The following MC2R variants were observed in gnomAD, a reference collection of about 807,000 sequenced individuals.
The protein encoded by MC2R is melanocortin 2 receptor.
MC2R carries 9 observed loss-of-function variants against 9.8 expected under a neutral mutation model. The ratio of observed to expected loss-of-function variants is 0.92; its 90% CI spans 0.55 to 1.60. The LOEUF is 1.60. Ranked by LOEUF, MC2R falls within the 40% of genes most tolerant of loss-of-function variation. The pLI, the probability that MC2R is intolerant of heterozygous loss-of-function variation, is 0.00. For missense variants in MC2R, 370 were observed against 389.0 expected (o/e 0.95, Z 0.41); for synonymous variants, 185 against 154.7 (o/e 1.20, Z -1.45).
At chr18:13,890,058 A>C (rs1450745652) in intron 1 of MC2R, among the ~76,000 whole-genome samples, 1 of 152,228 alleles carries the variant, frequency 6.6e-6, no homozygotes, top group African/African-American at 2.4e-5. Flanking sequence ...AAAAATGAAC[A>C]CAAAATAACT....
chr18:13,895,913 T>C (rs1433788516), intron 1 of MC2R, among the ~76,000 whole-genome samples: 1 of 152,112 alleles, frequency 6.6e-6, no homozygotes, highest in African/African-American at 2.4e-5. Flanking sequence ...TTGCTCAGAT[T>C]TGGACTCCAT....
At chr18:13,914,345 G>A (rs1177406049) in intron 1 of MC2R, among the ~76,000 whole-genome samples, 1 of 152,180 alleles carries the variant, frequency 6.6e-6, no homozygotes, top group Non-Finnish European at 1.5e-5. Flanking sequence ...CTCAGTGTGC[G>A]CTGTCCTCAG....
intron 1 of MC2R, among the ~76,000 whole-genome samples, chr18:13,905,435 G>A (rs756594528): frequency 7.2e-5 from 11 of 151,758 alleles, no homozygotes; most frequent in South Asian, 6.2e-4. Flanking sequence ...GCACTGAGCC[G>A]TGATCGTGCC....
chr18:13,904,380 C>CAAAAA (rs56308792), intron 1 of MC2R, among the ~76,000 whole-genome samples: 4 of 94,996 alleles, frequency 4.2e-5, no homozygotes, highest in African/African-American at 1.4e-4. Flanking sequence ...GACCCCGTCT[C>CAAAAA]AAAAAAAAAA....
intron 1 of MC2R, among the ~76,000 whole-genome samples, chr18:13,901,040 T>C (rs1156328299): frequency 1.3e-5 from 2 of 152,076 alleles, no homozygotes; most frequent in African/African-American, 4.8e-5. Flanking sequence ...TGAAATAATG[T>C]CAAGTATCTT....
chr18:13,911,592 C>G (rs1451604434), intron 1 of MC2R, among the ~76,000 whole-genome samples: 1 of 152,148 alleles, frequency 6.6e-6, no homozygotes, highest in Non-Finnish European at 1.5e-5. Context: ...GTGGCCGAGT[C>G]CAGCCCAATC....
intron 1 of MC2R, among the ~76,000 whole-genome samples, chr18:13,901,513 AAG>A (rs2045379800): frequency 6.6e-6 from 1 of 152,054 alleles, no homozygotes; most frequent in Admixed American, 6.5e-5. Context: ...CTAAGAAAAA[AAG>A]AGAGAAGATA....
intron 1 of MC2R, among the ~76,000 whole-genome samples, chr18:13,900,741 T>TATATAAAGC (rs1440671362): frequency 6.6e-5 from 10 of 152,216 alleles, no homozygotes; most frequent in Admixed American, 4.6e-4. Context: ...AGCACCTAGC[T>TATATAAAGC]ATATAAAGCA....
chr18:13,897,729 C>T (rs1404117097), intron 1 of MC2R, among the ~76,000 whole-genome samples: 1 of 152,048 alleles, frequency 6.6e-6, no homozygotes, highest in Non-Finnish European at 1.5e-5. Flanking sequence ...GGCTTCCATT[C>T]CAGGCCCTAA....
chr18:13,907,133 C>T (rs564188245), intron 1 of MC2R, among the ~76,000 whole-genome samples: 4 of 152,260 alleles, frequency 2.6e-5, no homozygotes, highest in South Asian at 2.1e-4. Flanking sequence ...ACTACAAACA[C>T]GTAGTAACAA....
At chr18:13,889,575 C>A (rs1438332795) in intron 1 of MC2R, among the ~76,000 whole-genome samples, 1 of 152,008 alleles carries the variant, frequency 6.6e-6, no homozygotes, top group South Asian at 2.1e-4. Flanking sequence ...AGAACATGGC[C>A]CCGGATAACT....
At chr18:13,897,494 C>A (rs181544963) in intron 1 of MC2R, among the ~76,000 whole-genome samples, 1 of 152,084 alleles carries the variant, frequency 6.6e-6, no homozygotes, top group Non-Finnish European at 1.5e-5. Flanking sequence ...CCAGAGACAG[C>A]GGACTTGGGG....
In MC2R at chr18:13,885,054, C is replaced by G. The variant is rs1555619429; in HGVS notation, c.465G>C (p.Trp155Cys). 1 of 1,614,164 alleles carries G rather than the reference C, an allele frequency of 6.2e-7. No homozygotes were observed. Among genetic ancestry groups the G allele is most frequent in the Non-Finnish European group, 8.5e-7 (1 of 1,180,030 alleles). The change falls in exon 2 of 2, where the codon TGG becomes TGC. Residue 155 changes from tryptophan (W) to cysteine (C), a missense_variant. Coordinates refer to ENST00000327606, the MANE Select transcript of MC2R (RefSeq NM_000529.2). Reference protein sequence around the residue: ...RRTVVVLTVIWTFCTGTGITM... With the variant: ...RRTVVVLTVICTFCTGTGITM... Reference sequence around the variant, plus strand: ...TGATGCCAGTCCCCGTGCAGAACGTCCAGATGACCGTAAGCACCACCACAG... The same window carrying G: ...TGATGCCAGTCCCCGTGCAGAACGTGCAGATGACCGTAAGCACCACCACAG...
chr18:13,894,138 G>T (rs1598463249), intron 1 of MC2R, among the ~76,000 whole-genome samples: 1 of 58,340 alleles, frequency 1.7e-5, no homozygotes, highest in Non-Finnish European at 3.5e-5. Flanking sequence ...ATGTGTGTTT[G>T]TGTGTGTGTG....
intron 1 of MC2R, among the ~76,000 whole-genome samples, chr18:13,898,306 G>A (rs770232822): frequency 6.6e-6 from 1 of 152,180 alleles, no homozygotes; most frequent in Non-Finnish European, 1.5e-5. Flanking sequence ...AAAGAGACGG[G>A]TGAGTGGGAA....
chr18:13,893,579 T>C (rs2045329447), intron 1 of MC2R, among the ~76,000 whole-genome samples: 1 of 152,212 alleles, frequency 6.6e-6, no homozygotes, highest in South Asian at 2.1e-4. Context: ...ATCACCAAGC[T>C]TTCACTTCCC....
intron 1 of MC2R, among the ~76,000 whole-genome samples, chr18:13,907,866 A>G (rs4121591): frequency 0.022 from 3,389 of 152,206 alleles, 106 homozygotes; most frequent in African/African-American, 0.078. Flanking sequence ...CTTATATCCA[A>G]AAACGGGCGA....
chr18:13,903,271 G>A (rs1314291953), intron 1 of MC2R, among the ~76,000 whole-genome samples: 1 of 152,202 alleles, frequency 6.6e-6, no homozygotes, highest in Non-Finnish European at 1.5e-5. Flanking sequence ...GACCATTATG[G>A]AGAACAGTTT....
intron 1 of MC2R, among the ~76,000 whole-genome samples, chr18:13,907,551 A>C (rs185343794): frequency 1.2e-3 from 179 of 152,366 alleles, no homozygotes; most frequent in Non-Finnish European, 1.9e-3. Flanking sequence ...AAGCTTCTGC[A>C]CAGCAAGGAA....
Sources: gnomAD v4.1 joint callset for allele counts (sites outside exome capture counted in the v4.1 genomes callset) on GRCh38, gnomAD v4.1.1 for gene constraint, MANE v1.5 for transcripts, NCBI Gene and HGNC (gene_info 2026-07-23, HGNC 2026-07-21) for gene names.